Variants in SNRNP200 observed in about 807,000 individuals in gnomAD.
SNRNP200 encodes the protein U5 small nuclear ribonucleoprotein 200 kDa helicase.
Under a neutral mutation model 255.2 loss-of-function variants are expected in SNRNP200, and 66 were observed. The ratio of observed to expected loss-of-function variants is 0.26; its 90% confidence interval spans 0.21 to 0.32. SNRNP200 has a LOEUF of 0.32. SNRNP200 is among the 10% of genes least tolerant of loss of function. The probability of loss-of-function intolerance (pLI) is 1.00; values close to 1 mark genes in which losing one functional copy is unlikely to be tolerated. For missense variants in SNRNP200, 1,585 were observed against 2,749.8 expected (o/e 0.58, Z 9.47); for synonymous variants, 939 against 1,027.8 (o/e 0.91, Z 1.65).
At position 96,283,548 on chromosome 2, in the gene SNRNP200, T is replaced by C; in HGVS notation, c.4750A>G (p.Ile1584Val). The stretch of plus-strand genomic sequence containing the variant: ...GGCCCCACCTACCTCTGCCGTTGGA[T>C]GTCTGCTGCACAGGTGGTGAGGATG... ...IDILTTCAADIQRQRFLHCTE... is the reference protein window; with the variant it reads ...IDILTTCAADVQRQRFLHCTE... Residue 1584 changes from isoleucine (I) to valine (V), a missense_variant, in exon 33 of 45, where the codon ATC becomes GTC. Transcript: ENST00000323853. This position sits in a 1 kb window ranked among gnomAD's most constrained non-coding sequence, Gnocchi z 4.7. 6.2e-7 allele frequency: 1 copy of C among 1,614,070 alleles called. No individual in the cohort carries two copies. Among genetic ancestry groups the C allele is most frequent in the Non-Finnish European group, 8.5e-7 (1 of 1,180,010 alleles).
chr2:96,281,859 AGGTGG>A lies in SNRNP200; in HGVS notation c.4974_4978del (p.His1659GlyfsTer23). 1 of 1,614,156 alleles carries A rather than the reference AGGTGG, an allele frequency of 6.2e-7. No homozygotes were observed. Among genetic ancestry groups the A allele is most frequent in the Non-Finnish European group, 8.5e-7 (1 of 1,180,002 alleles). On this transcript the variant is annotated frameshift_variant, in exon 35 of 45. Transcript: ENST00000323853. LOFTEE classifies it high-confidence loss of function. ...GTACTGGGTATCCATGATGATTACC[AGGTGG>A]GCAGCCACGTTCATGCCCCAGCAGA...
At position 96,291,700 on chromosome 2, in the gene SNRNP200, T is replaced by C. The variant is rs2063885021; in HGVS notation, c.2310+51A>G. ...TAGAGGAGCTGTCTGGGGCCTGAGA[T>C]GGACACAGCTGCCAGGTAGGAATGA... On this transcript the variant is annotated intron_variant, in intron 17 of 44. Coordinates refer to ENST00000323853, the MANE Select transcript of SNRNP200 (RefSeq NM_014014.5). The surrounding 1 kb of genome is among the most constrained non-coding windows in gnomAD (Gnocchi z 4.2). The C allele has an allele frequency of 8.1e-6, 13 of 1,607,062 alleles. No individual in the cohort carries two copies. The highest frequency in any genetic ancestry group is 2.2e-5 in the East Asian group (1 of 44,868).
In SNRNP200 at chr2:96,277,240, C is replaced by A. The variant is rs75956769; in HGVS notation, c.5933G>T (p.Gly1978Val). The change falls in exon 42 of 45, where the codon GGA becomes GTA. Residue 1978 changes from glycine to valine, a missense_variant and splice_region_variant. Around this residue, in one of 9 missense-constraint regions of SNRNP200, gnomAD observed 279 missense variants for 551.2 expected, o/e 0.51. Coordinates refer to ENST00000323853, the MANE Select transcript of SNRNP200 (RefSeq NM_014014.5). This position sits in a 1 kb window ranked among gnomAD's most constrained non-coding sequence, Gnocchi z 4.4. ...CATGATGTCGAAAACACTCTCCACT[C>A]CCTGCAGTGAGTATTCAGACGTCAG... ...SEHIKRCTDK[G>V]VESVFDIMEM... The A allele has an allele frequency of 1.9e-6, 3 of 1,614,114 alleles. No individual in the cohort carries two copies. Among genetic ancestry groups the A allele is most frequent in the East Asian group, 4.5e-5 (2 of 44,880 alleles).
At position 96,298,593 on chromosome 2, in the gene SNRNP200, A is replaced by G. The variant is rs371450437; in HGVS notation, c.982+10T>C. Reference sequence around the variant, plus strand: ...ACTCACTCTGCAGGAAGACCCCACCATATACTCACTCATCATCCTGTGCTG... The same window carrying G: ...ACTCACTCTGCAGGAAGACCCCACCGTATACTCACTCATCATCCTGTGCTG... On this transcript the variant is annotated intron_variant, in intron 8 of 44. Transcript: ENST00000323853. 101 of 1,613,316 alleles carry G rather than the reference A, an allele frequency of 6.3e-5. No homozygotes were observed. The African/African-American group carries it at 1.3e-3, about 21-fold the overall frequency.
rs763035353 is a variant in SNRNP200 at position 96,300,975 on chromosome 2, G to T, written c.630+23C>A. The T allele has an allele frequency of 2.6e-5, 41 of 1,605,762 alleles. No homozygotes were observed. The Middle Eastern group carries it at 9.9e-4, about 39-fold the overall frequency. On this transcript the variant is annotated intron_variant, in intron 5 of 44. Transcript: ENST00000323853. Reference sequence around the variant, plus strand: ...TTAATCAACGTCAAAAACAAGAATGGACTGGGTATGTTTATCACTCACCTC... The same window carrying T: ...TTAATCAACGTCAAAAACAAGAATGTACTGGGTATGTTTATCACTCACCTC...
In SNRNP200 at chr2:96,290,267, T is replaced by C; in HGVS notation, c.2742+59A>G. The C allele has an allele frequency of 1.3e-6, 2 of 1,583,690 alleles. No individual in the cohort carries two copies. The highest frequency in any genetic ancestry group is 1.7e-6 in the Non-Finnish European group (2 of 1,153,996). On this transcript the variant is annotated intron_variant, in intron 20 of 44. Coordinates refer to ENST00000323853, the MANE Select transcript of SNRNP200 (RefSeq NM_014014.5). This position sits in a 1 kb window ranked among gnomAD's most constrained non-coding sequence, Gnocchi z 4.5. ...CGCAGCACAATAGGGACCGACCCAC[T>C]CCTGGTGCCTTGGTGTCTGCGGGGA...
At chr2:96,300,812 T>C (rs1028959915) in intron 5 of SNRNP200, among the ~76,000 whole-genome samples, 186 bp downstream of exon 5, 2 of 152,156 alleles carry the variant, frequency 1.3e-5, no homozygotes, top group Admixed American at 6.5e-5. Context: ...AAATTTGCGG[T>C]AGCAAAGTTA....
chr2:96,297,394 G>A lies in SNRNP200; in HGVS notation c.1346C>T (p.Ala449Val), dbSNP rs750401520. The A allele has an allele frequency of 1.2e-6, 2 of 1,614,058 alleles. No homozygotes were observed. Among genetic ancestry groups the A allele is most frequent in the East Asian group, 2.2e-5 (1 of 44,888 alleles). Residue 449 changes from alanine (A) to valine (V), a missense_variant, in exon 11 of 45, where the codon GCT (alanine) becomes GTT (valine). Ala to Val is a moderately conservative substitution (Grantham distance 64). Coordinates refer to ENST00000323853, the MANE Select transcript of SNRNP200 (RefSeq NM_014014.5). ...RKGYEEVHVPALKPKPFGSEE... is the reference protein window; with the variant it reads ...RKGYEEVHVPVLKPKPFGSEE... ...TGAGCCAAAGGGCTTGGGCTTCAGA[G>A]CAGGCACATGCACCTCTTCATAGCC...
At chr2:96,292,865 T>TGACAAC in intron 16 of SNRNP200, 107 bp downstream of exon 16, 1 of 1,341,396 alleles carries the variant, frequency 7.5e-7, no homozygotes, top group Non-Finnish European at 1.1e-6. Flanking sequence ...ATTGGTGATT[T>TGACAAC]ATGTTGTGTC....
Position 96,289,990 on chromosome 2 carries a change from C to T in SNRNP200, c.2749G>A (p.Val917Met). The T allele has an allele frequency of 6.2e-7, 1 of 1,614,158 alleles. No homozygotes were observed. ...AGGTAGGCATAGCCCAGCCAGTTCA[C>T]CGCATCCTACAAGACACAGCTCATG... ...LGNVQNAKDA[V>M]NWLGYAYLYI... The change falls in exon 21 of 45, where the codon GTG (valine) becomes ATG (methionine). Residue 917 changes from valine (V) to methionine (M), a missense_variant. Coordinates refer to ENST00000323853, the MANE Select transcript of SNRNP200 (RefSeq NM_014014.5).
chr2:96,278,368 A>G lies in SNRNP200; in HGVS notation c.5489-10T>C, dbSNP rs2104332120. ...GACATGCTGAAGAGCTCTGACAGAA[A>G]AAGGAAATGTGAGAGAAGCTAAAAC... On this transcript the variant is annotated splice_polypyrimidine_tract_variant and intron_variant, in intron 38 of 44. Transcript: ENST00000323853. The surrounding 1 kb of genome is among the most constrained non-coding windows in gnomAD (Gnocchi z 6.9). The G allele has an allele frequency of 6.2e-7, 1 of 1,614,164 alleles. No homozygotes were observed. The highest frequency in any genetic ancestry group is 8.5e-7 in the Non-Finnish European group (1 of 1,180,034).
At chr2:96,303,809 G>T (rs2063969746) in intron 2 of SNRNP200, among the ~76,000 whole-genome samples, 1 of 150,740 alleles carries the variant, frequency 6.6e-6, no homozygotes, top group Admixed American at 6.6e-5. Context: ...AGAATCGCTT[G>T]AACCCGGGAG....
Position 96,286,467 on chromosome 2 carries a change from G to A in SNRNP200, c.3847C>T (p.Pro1283Ser). The A allele has an allele frequency of 1.2e-6, 2 of 1,614,140 alleles. No homozygotes were observed. The highest frequency in any genetic ancestry group is 1.7e-5 in the Admixed American group (1 of 60,030). Residue 1283 changes from proline (P) to serine (S), a missense_variant, in exon 29 of 45, where the codon CCT becomes TCT. Transcript: ENST00000323853. The surrounding 1 kb of genome is among the most constrained non-coding windows in gnomAD (Gnocchi z 4.8). ...DRWLSCETQL[P>S]VSFRHLILPE... The stretch of plus-strand genomic sequence containing the variant: ...AAGATCAGGTGCCGGAAGGAGACAG[G>A]CAGCTGGGTCTCACAAGCTGCCAGA...
At chr2:96,276,730 T>C (rs1356616137) in intron 43 of SNRNP200, 174 bp downstream of exon 43, 1 of 776,470 alleles carries the variant, frequency 1.3e-6, no homozygotes, top group Admixed American at 1.9e-5. Context: ...CTAAACTGTT[T>C]AAGCAGAAAC....
In SNRNP200 at chr2:96,283,618, A is replaced by C; in HGVS notation, c.4680T>G (p.Ile1560Met). 3 of 1,614,076 alleles carry C rather than the reference A, an allele frequency of 1.9e-6. No individual in the cohort carries two copies. The highest frequency in any genetic ancestry group is 2.5e-6 in the Non-Finnish European group (3 of 1,180,026). Residue 1560 changes from isoleucine to methionine, a missense_variant, in exon 33 of 45, where the codon ATT becomes ATG. Ile to Met is a conservative substitution (Grantham distance 10, BLOSUM62 1). Transcript: ENST00000323853. This position sits in a 1 kb window ranked among gnomAD's most constrained non-coding sequence, Gnocchi z 4.7. ...ITKHSPKKPV[I>M]VFVPSRKQTR... ...TCTGCTTGCGAGACGGCACAAAGACAATGACAGGCTTCTTGGGCGAGTGCT... is the reference window on the plus strand; with the variant it reads ...TCTGCTTGCGAGACGGCACAAAGACCATGACAGGCTTCTTGGGCGAGTGCT...
intron 5 of SNRNP200, among the ~76,000 whole-genome samples, chr2:96,300,341 A>G (rs1390888918): frequency 6.6e-6 from 1 of 152,252 alleles, no homozygotes; most frequent in Non-Finnish European, 1.5e-5. Context: ...ACAGTAATGA[A>G]AAATGGGAAA....
intron 34 of SNRNP200, 44 bp from the exon 35 acceptor site, chr2:96,281,966 G>T: frequency 6.9e-7 from 1 of 1,455,268 alleles, no homozygotes; most frequent in Non-Finnish European, 9.6e-7. Context: ...AGGGGTCTCC[G>T]GGTGAAGTAG....
At position 96,290,473 on chromosome 2, in the gene SNRNP200, A is replaced by T; in HGVS notation, c.2595T>A (p.Gly865=). The T allele has an allele frequency of 4.3e-6, 7 of 1,614,150 alleles. No individual in the cohort carries two copies. Among genetic ancestry groups the T allele is most frequent in the Non-Finnish European group, 5.9e-6 (7 of 1,180,016 alleles). Residue 865 remains glycine (G), a synonymous_variant, in exon 20 of 45, where the codon GGT becomes GGA. Transcript: ENST00000323853. The surrounding 1 kb of genome is among the most constrained non-coding windows in gnomAD (Gnocchi z 4.5). ...CATGAGATGTGATGAGTATGCCTTC[A>T]CCCTTGGTGTCATACTGGGGTCTTC... ...RAGRPQYDTK[G]EGILITSHGE...
At position 96,284,990 on chromosome 2, in the gene SNRNP200, T is replaced by A. The variant is rs373718856; in HGVS notation, c.4164+190A>T. 5.7e-6 allele frequency: 4 copies of A among 698,454 alleles called. No individual in the cohort carries two copies. The African/African-American group carries it at 7.0e-5, about 12-fold the overall frequency. The allele number at this position is 698,454 out of a possible 1,614,324, so 43.3% of individuals were successfully genotyped here. On this transcript the variant is annotated intron_variant, in intron 30 of 44. Transcript: ENST00000323853. ...GTCTCGAACTCCTGATCTCCGGAGA[T>A]CTGCCCGCCTCGGCCTCCCAAAGTG...
Sources: allele counts gnomAD v4.1 joint callset (sites outside exome capture counted in the v4.1 genomes callset), GRCh38; gene constraint gnomAD v4.1.1; regional missense constraint gnomAD v4.1.1; non-coding constraint Gnocchi (gnomAD v3.1); transcripts MANE v1.5; gene names NCBI Gene and HGNC (gene_info 2026-07-23, HGNC 2026-07-21).